CLEC2A: variants seen among roughly 807,000 people sequenced by gnomAD.
The protein encoded by CLEC2A is C-type lectin domain family 2 member A.
CLEC2A carries 19 observed loss-of-function variants against 18.6 expected under a neutral mutation model. The ratio of observed to expected loss-of-function variants is 1.02; its 90% CI spans 0.71 to 1.50. The LOEUF is 1.50. CLEC2A is among the 40% of genes most tolerant of loss of function. The pLI is 0.00. For synonymous variants in CLEC2A, 74 were observed against 64.0 expected (o/e 1.16, Z -0.75); for missense variants, 190 against 207.9 (o/e 0.91, Z 0.53).
chr12:9,928,256 A>G (rs1243886877), intron 1 of CLEC2A, among the ~76,000 whole-genome samples: 1 of 152,174 alleles, frequency 6.6e-6, no homozygotes, highest in Non-Finnish European at 1.5e-5. Flanking sequence ...ACCTGAGGTC[A>G]GGAATTTGAG....
At chr12:9,899,569 T>G (rs542805974) in intron 4 of CLEC2A, among the ~76,000 whole-genome samples, 1 of 152,262 alleles carries the variant, frequency 6.6e-6, no homozygotes, top group Admixed American at 6.5e-5. Flanking sequence ...AAGAGCAACC[T>G]TTTTCCCTCT....
the CLEC2A span, chr12:9,893,324 A>G: frequency 3.7e-6 from 3 of 821,000 alleles, no homozygotes; most frequent in African/African-American, 1.7e-5. Context: ...GCTAATGTAT[A>G]TGAAAAAATA....
intron 2 of CLEC2A, among the ~76,000 whole-genome samples, chr12:9,923,962 T>TC (rs1442783761): frequency 6.6e-6 from 1 of 151,680 alleles, no homozygotes; most frequent in Non-Finnish European, 1.5e-5. Flanking sequence ...AGCCCCCCTG[T>TC]CGTGGGGTTG....
In CLEC2A at chr12:9,918,229, G is replaced by T. The variant is rs182903036; in HGVS notation, c.307-1426C>A. ...TTTTCTTCCAGTCTTTTTATAGTTT[G>T]GGGTTTTACATTTAGGTCTTTAATC... is the stretch of plus-strand genomic sequence containing the variant. On this transcript the variant is annotated intron_variant, in intron 3 of 4. Transcript: ENST00000455827. 1.5e-3 allele frequency among the ~76,000 whole-genome samples: 227 copies of T among 152,138 alleles called. 1 individual carries two copies. Among genetic ancestry groups the T allele is most frequent in the African/African-American group, 5.1e-3 (213 of 41,502 alleles).
At chr12:9,930,793 T>C (rs1228994269) in intron 1 of CLEC2A, among the ~76,000 whole-genome samples, 1 of 152,116 alleles carries the variant, frequency 6.6e-6, no homozygotes, top group Non-Finnish European at 1.5e-5. Context: ...TTTCTACTTC[T>C]ATTTTTCATA....
intron 1 of CLEC2A, 136 bp downstream of exon 1, chr12:9,932,139 T>C (rs535809860): frequency 1.4e-5 from 9 of 638,034 alleles, no homozygotes; most frequent in Non-Finnish European, 2.5e-5. Flanking sequence ...CTTCCACAAT[T>C]CTCCGGAAGT....
chr12:9,920,239 G>A (rs940907976), intron 3 of CLEC2A, among the ~76,000 whole-genome samples: 1 of 152,168 alleles, frequency 6.6e-6, no homozygotes, highest in Non-Finnish European at 1.5e-5. Context: ...TGTGTAAGGG[G>A]GTCTAACCTC....
chr12:9,893,589 T>C, the CLEC2A span: 1 of 664,868 alleles, frequency 1.5e-6, no homozygotes, highest in African/African-American at 1.8e-5. Flanking sequence ...ATAGAATTAT[T>C]TTTATATTAA....
chr12:9,888,556 C>G, the CLEC2A span, among the ~76,000 whole-genome samples: 1 of 151,760 alleles, frequency 6.6e-6, no homozygotes, highest in South Asian at 2.1e-4. Context: ...GGAGTAAAAA[C>G]AGATATGGCG....
intron 4 of CLEC2A, among the ~76,000 whole-genome samples, chr12:9,899,587 T>C (rs1479567863): frequency 6.6e-6 from 1 of 152,182 alleles, no homozygotes; most frequent in Non-Finnish European, 1.5e-5. Context: ...TCTTCCATCT[T>C]TGCATCCCTG....
the CLEC2A span, among the ~76,000 whole-genome samples, chr12:9,878,898 T>TG: frequency 6.6e-6 from 1 of 152,014 alleles, no homozygotes; most frequent in African/African-American, 2.4e-5. Context: ...TTTAGGAGGA[T>TG]GGGGGGATGG....
At chr12:9,899,674 T>C (rs941295180) in intron 4 of CLEC2A, among the ~76,000 whole-genome samples, 1 of 152,180 alleles carries the variant, frequency 6.6e-6, no homozygotes, top group Non-Finnish European at 1.5e-5. Context: ...GGCTAGAGAA[T>C]AGGAAATGTC....
At chr12:9,880,000 G>A in the CLEC2A span, among the ~76,000 whole-genome samples, 1 of 152,156 alleles carries the variant, frequency 6.6e-6, no homozygotes, top group Non-Finnish European at 1.5e-5. Flanking sequence ...GGAAAAGAGG[G>A]TTCTGTACGA....
At chr12:9,881,664 A>G in the CLEC2A span, 17 of 1,533,012 alleles carry the variant, frequency 1.1e-5, no homozygotes, top group Middle Eastern at 1.2e-3. Context: ...AGAAATCTAA[A>G]GGTAGGAATA....
the CLEC2A span, among the ~76,000 whole-genome samples, chr12:9,890,633 T>C: frequency 6.6e-6 from 1 of 152,382 alleles, no homozygotes; most frequent in Non-Finnish European, 1.5e-5. Flanking sequence ...CCCTCTTTCA[T>C]GGACTTACAT....
chr12:9,925,567 C>T (rs1484443288), intron 2 of CLEC2A, among the ~76,000 whole-genome samples: 3 of 152,082 alleles, frequency 2.0e-5, no homozygotes, highest in Non-Finnish European at 4.4e-5. Context: ...AATAGCAGAG[C>T]ATAGTGTATT....
chr12:9,911,469 C>G (rs1421443557), downstream of CLEC2A, among the ~76,000 whole-genome samples: 1 of 152,176 alleles, frequency 6.6e-6, no homozygotes, highest in Admixed American at 6.5e-5. Context: ...GTGAAGCCAG[C>G]AAGTCCAAGA....
At chr12:9,910,004 A>G (rs1410548393), downstream of CLEC2A, among the ~76,000 whole-genome samples, 2 of 152,104 alleles carry the variant, frequency 1.3e-5, no homozygotes, top group Non-Finnish European at 2.9e-5. Context: ...TAGAGGGTAA[A>G]GGAGGACAGG....
At chr12:9,889,575 C>T in the CLEC2A span, among the ~76,000 whole-genome samples, 12 of 151,930 alleles carry the variant, frequency 7.9e-5, no homozygotes, top group East Asian at 1.9e-4. Context: ...CTATTCTGTG[C>T]GTTTTGGACT....
Sources: gnomAD v4.1 joint callset for allele counts (sites outside exome capture counted in the v4.1 genomes callset) on GRCh38, gnomAD v4.1.1 for gene constraint, MANE v1.5 for transcripts, NCBI Gene and HGNC (gene_info 2026-07-23, HGNC 2026-07-21) for gene names.